The following CACNA1D variants were observed in gnomAD, a reference collection of about 807,000 sequenced individuals.
CACNA1D encodes the protein voltage-dependent L-type calcium channel subunit alpha-1D.
CACNA1D carries 55 observed loss-of-function variants against 257.1 expected under a neutral mutation model. The ratio of observed to expected loss-of-function variants is 0.21; its 90% confidence interval spans 0.17 to 0.27. The LOEUF is 0.27. Among genes scored for constraint, CACNA1D ranks in the 10% least tolerant of loss-of-function variants. The pLI is 1.00. For synonymous variants in CACNA1D, 980 were observed against 1,014.9 expected, an observed-to-expected ratio of 0.97 and a Z score of 0.65; for missense variants, 1,876 against 2,784.0, an observed-to-expected ratio of 0.67 and a Z score of 7.34.
At chr3:53,728,535 A>G (rs993304342) in intron 15 of CACNA1D, among the ~76,000 whole-genome samples, 1 of 152,182 alleles carries the variant, frequency 6.6e-6, no homozygotes, top group African/African-American at 2.4e-5. Context: ...ATCTCTCAAT[A>G]GAGTACGGGA....
chr3:53,650,969 A>T, intron 4 of CACNA1D, 51 bp downstream of exon 4: 862 of 1,122,198 alleles, frequency 7.7e-4, no homozygotes, highest in Non-Finnish European at 1.0e-3. Flanking sequence ...TGGGAGGTGG[A>T]GGTTGGGGGG....
chr3:53,551,870 C>G (rs2092542323), intron 3 of CACNA1D, among the ~76,000 whole-genome samples: 1 of 152,200 alleles, frequency 6.6e-6, no homozygotes, highest in Non-Finnish European at 1.5e-5. Flanking sequence ...ATGGTGAGGT[C>G]TTTCACTTGG....
intron 3 of CACNA1D, among the ~76,000 whole-genome samples, chr3:53,582,864 T>A (rs1184584805): frequency 1.3e-5 from 2 of 152,190 alleles, no homozygotes; most frequent in Non-Finnish European, 2.9e-5. Flanking sequence ...TTTGGGAACT[T>A]CCTAAAATTG....
intron 1 of CACNA1D, 125 bp from the exon 2 acceptor site, chr3:53,497,027 C>A: frequency 1.3e-6 from 1 of 783,764 alleles, no homozygotes; most frequent in Non-Finnish European, 2.1e-6. Context: ...ACATGAGATT[C>A]AAAATGGAAA....
intron 3 of CACNA1D, among the ~76,000 whole-genome samples, chr3:53,514,840 T>C (rs1469325211): frequency 6.6e-6 from 1 of 152,154 alleles, no homozygotes; most frequent in Non-Finnish European, 1.5e-5. Context: ...GGATTGGAGT[T>C]TAATTTCTAA....
At chr3:53,761,425 T>C (rs1469384711) in intron 29 of CACNA1D, among the ~76,000 whole-genome samples, 1 of 152,212 alleles carries the variant, frequency 6.6e-6, no homozygotes, top group Non-Finnish European at 1.5e-5. Flanking sequence ...TCTACCCGTC[T>C]GTGTCGTCTA....
rs564473626 is a variant in CACNA1D, at chr3:53,615,184, G to A, written c.484-35595G>A. On this transcript the variant is annotated intron_variant, in intron 3 of 47. Coordinates refer to ENST00000350061, the MANE Select transcript of CACNA1D (RefSeq NM_001128840.3). ...CCTGCTCTCAGCCCCATCACCTGCT[G>A]TTCAGGCTTCTTCACCTGGTAGAGG... Among the ~76,000 whole-genome samples the A allele has an allele frequency of 1.7e-4, 26 of 152,282 alleles. No individual in the cohort carries two copies. The South Asian group carries it at 5.4e-3, about 32-fold the overall frequency.
intron 3 of CACNA1D, among the ~76,000 whole-genome samples, chr3:53,538,692 A>C (rs2092208656): frequency 6.6e-6 from 1 of 152,322 alleles, no homozygotes; most frequent in South Asian, 2.1e-4. Flanking sequence ...CTGGTACAAC[A>C]AGATGTTTTG....
intron 8 of CACNA1D, among the ~76,000 whole-genome samples, chr3:53,695,599 G>A (rs2094566416): frequency 6.6e-6 from 1 of 152,182 alleles, no homozygotes; most frequent in Admixed American, 6.5e-5. Context: ...GTGTGGAAAG[G>A]GCAGAGGTGA....
chr3:53,747,418 TCA>T lies in CACNA1D; in HGVS notation c.3287_3288del (p.Thr1096SerfsTer5). 6.2e-7 allele frequency: 1 copy of T among 1,614,258 alleles called. No homozygotes were observed. Among genetic ancestry groups the T allele is most frequent in the Non-Finnish European group, 8.5e-7 (1 of 1,180,036 alleles). ...GTCCTCTCTGCTATGATGGCGCTCT[TCA>T]CAGTCTCCACGTTTGAGGGCTGGCC... On this transcript the variant is annotated frameshift_variant, in exon 26 of 48. Coordinates refer to ENST00000350061, the MANE Select transcript of CACNA1D (RefSeq NM_001128840.3). LOFTEE classifies it high-confidence loss of function.
intron 15 of CACNA1D, among the ~76,000 whole-genome samples, chr3:53,727,434 G>T (rs1452829412): frequency 1.3e-5 from 2 of 152,186 alleles, no homozygotes; most frequent in African/African-American, 4.8e-5. Context: ...GGACTGATCT[G>T]TGCTCCCCTG....
chr3:53,516,984 G>C (rs868142052), intron 3 of CACNA1D, among the ~76,000 whole-genome samples: 12 of 152,198 alleles, frequency 7.9e-5, no homozygotes, highest in African/African-American at 2.9e-4. Context: ...TTGGAGTCCG[G>C]TGGCCTGGCT....
In CACNA1D at chr3:53,801,239, A is replaced by G; in HGVS notation, c.5222A>G (p.His1741Arg). Residue 1741 changes from histidine (H) to arginine (R), a missense_variant, in exon 42 of 48, where the codon CAT (histidine) becomes CGT (arginine). By Grantham distance (29) the His-to-Arg change is conservative. Around this residue, in one of 10 missense-constraint regions of CACNA1D, gnomAD observed 160 missense variants for 236.6 expected, o/e 0.68. Transcript: ENST00000350061. ...PAGNSVCHNH[H>R]NHNSIGKQVP... The stretch of plus-strand genomic sequence containing the variant: ...GGAAATTCGGTGTGTCATAACCATC[A>G]TAACCATAATTCCATAGGAAAGCAA... The G allele has an allele frequency of 1.9e-6, 3 of 1,614,086 alleles. No homozygotes were observed. The highest frequency in any genetic ancestry group is 2.5e-6 in the Non-Finnish European group (3 of 1,179,964).
intron 32 of CACNA1D, 47 bp downstream of exon 32, chr3:53,770,599 T>C (rs1481002320): frequency 1.3e-6 from 2 of 1,591,058 alleles, no homozygotes; most frequent in Non-Finnish European, 1.7e-6. Flanking sequence ...GAAGATCATA[T>C]GTAAGTCAGT....
chr3:53,713,565 A>T (rs1203376621), intron 9 of CACNA1D, among the ~76,000 whole-genome samples: 1 of 150,582 alleles, frequency 6.6e-6, no homozygotes, highest in Non-Finnish European at 1.5e-5. Flanking sequence ...CTCCAAATTC[A>T]CAAGCCTGAC....
At chr3:53,741,695 G>A (rs2095119891) in intron 21 of CACNA1D, among the ~76,000 whole-genome samples, 1 of 152,174 alleles carries the variant, frequency 6.6e-6, no homozygotes, top group South Asian at 2.1e-4. Context: ...GCACAGTGGT[G>A]GGGGTCGGAG....
intron 11 of CACNA1D, 71 bp downstream of exon 11, chr3:53,719,852 C>G: frequency 7.5e-7 from 1 of 1,338,832 alleles, no homozygotes; most frequent in Non-Finnish European, 1.1e-6. Flanking sequence ...CTGAATTTTA[C>G]GTAGTATTGC....
intron 3 of CACNA1D, among the ~76,000 whole-genome samples, chr3:53,540,079 C>CT (rs1452731411): frequency 1.9e-3 from 259 of 136,218 alleles, no homozygotes; most frequent in Middle Eastern, 7.5e-3. Context: ...TGAACACATT[C>CT]TTTTTTTTTT....
At chr3:53,669,507 C>T (rs1170759667) in intron 7 of CACNA1D, among the ~76,000 whole-genome samples, 1 of 152,254 alleles carries the variant, frequency 6.6e-6, no homozygotes, top group Non-Finnish European at 1.5e-5. Context: ...TAGGCACTTA[C>T]ATATGGTGGA....
Sources: allele counts gnomAD v4.1 joint callset (sites outside exome capture counted in the v4.1 genomes callset), GRCh38; gene constraint gnomAD v4.1.1; regional missense constraint gnomAD v4.1.1; transcripts MANE v1.5; gene names NCBI Gene and HGNC (gene_info 2026-07-23, HGNC 2026-07-21).